The following ATXN3 variants were observed in gnomAD, a reference collection of about 807,000 sequenced individuals.
ATXN3 encodes the protein ataxin-3.
Under a neutral mutation model 58.2 loss-of-function variants are expected in ATXN3, and 28 were observed. That is an observed-to-expected ratio of 0.48 (90% confidence interval 0.36 to 0.66). The LOEUF (loss-of-function observed/expected upper bound fraction) is 0.66. Ranked by LOEUF, ATXN3 falls within the 30% of genes least tolerant of loss-of-function variation. ATXN3 has a pLI of 0.00. For missense variants in ATXN3, 321 were observed against 422.1 expected (o/e 0.76, Z 2.10); for synonymous variants, 113 against 138.5 (o/e 0.82, Z 1.29).
In ATXN3 at chr14:92,099,931, G is replaced by GAAGA. The variant is rs144045303; in HGVS notation, c.25-3097_25-3094dup. On this transcript the variant is annotated intron_variant, in intron 1 of 10. Transcript: ENST00000644486. ...GAAAGAAAAGAAGGAAGGAAAGAAA[G>GAAGA]AAGAAAGAAAGAAAGGAAGGAAGGA... Among the ~76,000 whole-genome samples the GAAGA allele has an allele frequency of 6.0e-3, 893 of 148,808 alleles. 10 individuals are homozygous for GAAGA. The highest frequency in any genetic ancestry group is 0.021 in the African/African-American group (836 of 40,308).
chr14:92,071,211 C>T, intron 9 of ATXN3, 158 bp from the exon 10 acceptor site: 1 of 1,157,194 alleles, frequency 8.6e-7, no homozygotes, highest in Non-Finnish European at 1.2e-6. Flanking sequence ...ATACAGATTA[C>T]TTTAAAATAT....
At chr14:92,074,183 T>C (rs2059951481) in intron 9 of ATXN3, among the ~76,000 whole-genome samples, 1 of 149,838 alleles carries the variant, frequency 6.7e-6, no homozygotes, top group South Asian at 2.1e-4. Flanking sequence ...GAAAATTGGC[T>C]GGGCACAGTG....
chr14:92,075,459 G>A (rs1026561930), intron 9 of ATXN3, among the ~76,000 whole-genome samples: 13 of 152,024 alleles, frequency 8.6e-5, no homozygotes, highest in Non-Finnish European at 1.9e-4. Flanking sequence ...GAGCCATAGC[G>A]CCCAGCCAAA....
chr14:92,089,646 T>A (rs2063359163), intron 5 of ATXN3, among the ~76,000 whole-genome samples: 1 of 152,128 alleles, frequency 6.6e-6, no homozygotes, highest in Non-Finnish European at 1.5e-5. Context: ...CCCTGTTAGA[T>A]ACTTTTTTAA....
downstream of ATXN3, among the ~76,000 whole-genome samples, chr14:92,057,220 T>G (rs905494493): frequency 1.3e-5 from 2 of 152,138 alleles, no homozygotes; most frequent in African/African-American, 2.4e-5. Context: ...GATTGAGACC[T>G]TCCTGGCCAA....
At chr14:92,074,084 T>G (rs1230889349) in intron 9 of ATXN3, among the ~76,000 whole-genome samples, 1 of 149,564 alleles carries the variant, frequency 6.7e-6, no homozygotes, top group Non-Finnish European at 1.5e-5. Context: ...CACAACACTT[T>G]GGGAGGCTGA....
intron 6 of ATXN3, among the ~76,000 whole-genome samples, chr14:92,087,698 G>GA (rs1422756439): frequency 1.3e-5 from 2 of 152,086 alleles, no homozygotes; most frequent in Non-Finnish European, 2.9e-5. Flanking sequence ...AGCAGTAGAA[G>GA]AAAGGAAGAA....
At chr14:92,098,064 C>G (rs1200952184) in intron 1 of ATXN3, among the ~76,000 whole-genome samples, 2 of 151,910 alleles carry the variant, frequency 1.3e-5, no homozygotes, top group African/African-American at 4.8e-5. Context: ...ATTTTCAGTA[C>G]CTAAAATAAG....
downstream of ATXN3, among the ~76,000 whole-genome samples, chr14:92,054,743 G>A (rs529140652): frequency 9.7e-4 from 147 of 152,130 alleles, no homozygotes; most frequent in Non-Finnish European, 1.8e-3. Flanking sequence ...CCCCTTTCCT[G>A]TAACAATTAT....
intron 6 of ATXN3, 163 bp from the exon 7 acceptor site, chr14:92,083,421 A>G (rs2061817857): frequency 1.3e-6 from 1 of 773,698 alleles, no homozygotes; most frequent in Non-Finnish European, 2.1e-6. Context: ...ACTTACTAGT[A>G]AAGTCGTCTA....
chr14:92,057,585 C>A (rs552833964), downstream of ATXN3, among the ~76,000 whole-genome samples: 4 of 152,220 alleles, frequency 2.6e-5, no homozygotes, highest in East Asian at 1.9e-4. Flanking sequence ...GATCCAAGAA[C>A]CCTCTCTTGG....
chr14:92,046,612 G>GT (rs903336608), intron 2 of ATXN3, among the ~76,000 whole-genome samples: 1 of 144,908 alleles, frequency 6.9e-6, no homozygotes, highest in Non-Finnish European at 1.5e-5. Context: ...TTTTAGGGCT[G>GT]TTTTTTAAGG....
chr14:92,090,442 T>C (rs999649521), intron 5 of ATXN3: 2 of 152,156 alleles, frequency 1.3e-5, no homozygotes, highest in Non-Finnish European at 2.9e-5. Context: ...CACATAGTAA[T>C]CCTAATTTAA....
intron 5 of ATXN3, chr14:92,090,662 T>G (rs2063578810): frequency 6.6e-6 from 1 of 152,182 alleles, no homozygotes; most frequent in African/African-American, 2.4e-5. Context: ...TGACATCTTC[T>G]GTATTTGTCA....
Position 92,062,358 on chromosome 14 carries a change from A to G in ATXN3, c.*1962T>C, listed in dbSNP as rs1391406618. 1 of 152,178 alleles carries G rather than the reference A, an allele frequency of 6.6e-6. No homozygotes were observed. Among genetic ancestry groups the G allele is most frequent in the Admixed American group, 6.5e-5 (1 of 15,272 alleles). The allele number at this position is 152,178 out of a possible 1,614,324, so 9.4% of individuals were successfully genotyped here. A position where few individuals can be genotyped will look rare whatever the true frequency, so the allele number is the denominator to read the frequency against. On this transcript the variant is annotated 3_prime_UTR_variant, in exon 11 of 11. Coordinates refer to ENST00000644486, the MANE Select transcript of ATXN3 (RefSeq NM_004993.6). Reference sequence around the variant, plus strand: ...ACTAGGGTATATATGAACTTTATAAACTCTAAAGTTAAAACTTTAAAATGC... The same window carrying G: ...ACTAGGGTATATATGAACTTTATAAGCTCTAAAGTTAAAACTTTAAAATGC...
At chr14:92,045,257 G>C (rs1025836420) in intron 2 of ATXN3, among the ~76,000 whole-genome samples, 1 of 152,142 alleles carries the variant, frequency 6.6e-6, no homozygotes, top group Non-Finnish European at 1.5e-5. Flanking sequence ...GATTGAGGAC[G>C]GTAAGGGGTA....
At chr14:92,086,593 C>T (rs954884447) in intron 6 of ATXN3, among the ~76,000 whole-genome samples, 1 of 148,442 alleles carries the variant, frequency 6.7e-6, no homozygotes, top group Non-Finnish European at 1.5e-5. Flanking sequence ...ATTAGCCGGT[C>T]ATGGTGGTGC....
chr14:92,073,005 T>C (rs1188436244), intron 9 of ATXN3, among the ~76,000 whole-genome samples: 1 of 152,284 alleles, frequency 6.6e-6, no homozygotes, highest in East Asian at 1.9e-4. Flanking sequence ...AAGGGCAGTA[T>C]CCTCCCATTA....
At chr14:92,070,613 T>G in intron 10 of ATXN3, 1 of 640,914 alleles carries the variant, frequency 1.6e-6, no homozygotes, top group Non-Finnish European at 2.5e-6. Flanking sequence ...TCTAAGGAAT[T>G]TTTGGAGACT....
Sources: gnomAD v4.1 joint callset for allele counts (sites outside exome capture counted in the v4.1 genomes callset) on GRCh38, gnomAD v4.1.1 for gene constraint, MANE v1.5 for transcripts, NCBI Gene and HGNC (gene_info 2026-07-23, HGNC 2026-07-21) for gene names.